The following SDK1 variants were observed in gnomAD, a reference collection of about 807,000 sequenced individuals.
The protein encoded by SDK1 is protein sidekick-1.
SDK1 carries 157 observed loss-of-function variants against 245.5 expected under a neutral mutation model. The observed-to-expected ratio is 0.64, with a 90% confidence interval of 0.56 to 0.73. The LOEUF (loss-of-function observed/expected upper bound fraction) is 0.73, where lower values mean the gene tolerates loss of function less well. Among genes scored for constraint, SDK1 ranks in the 30% least tolerant of loss-of-function variants. The probability of loss-of-function intolerance (pLI) is 0.00; values close to 1 mark genes in which losing one functional copy is unlikely to be tolerated. For synonymous variants in SDK1, 1,647 were observed against 1,278.5 expected (o/e 1.29, Z -6.15); for missense variants, 3,583 against 3,002.3 (o/e 1.19, Z -4.52).
At chr7:4,149,602 TC>T in intron 30 of SDK1, 139 bp downstream of exon 30, 1 of 544,658 alleles carries the variant, frequency 1.8e-6, no homozygotes, top group Non-Finnish European at 3.0e-6. Context: ...TTTTTGACAC[TC>T]CCCATGCTGG....
chr7:4,119,844 A>T lies in SDK1; in HGVS notation c.3823+5570A>T, dbSNP rs191465632. 3.0e-3 allele frequency among the ~76,000 whole-genome samples: 442 copies of T among 149,246 alleles called. 36 individuals carry two copies. The highest frequency in any genetic ancestry group is 9.8e-3 in the African/African-American group (400 of 40,974). ...ACCAGTTTTAAAAAAAGAGAGAAAG[A>T]TAGAGGGCTTCAATTACATTAACAT... On this transcript the variant is annotated intron_variant, in intron 25 of 44. Transcript: ENST00000404826.
intron 4 of SDK1, among the ~76,000 whole-genome samples, chr7:3,714,719 A>G (rs1379511656): frequency 1.3e-5 from 2 of 152,214 alleles, no homozygotes; most frequent in African/African-American, 4.8e-5. Context: ...AAGTGCTTCT[A>G]AAACAAGTTT....
chr7:4,019,638 C>T (rs1043065859), intron 17 of SDK1, among the ~76,000 whole-genome samples: 2 of 151,878 alleles, frequency 1.3e-5, no homozygotes, highest in African/African-American at 2.4e-5. Context: ...CATGAGTGAA[C>T]GTTAGTGGAT....
At chr7:4,197,749 T>C (rs1409422329) in intron 35 of SDK1, among the ~76,000 whole-genome samples, 2 of 152,188 alleles carry the variant, frequency 1.3e-5, no homozygotes, top group East Asian at 3.9e-4. Flanking sequence ...GACCTTCCCC[T>C]CGAGGACCAG....
At chr7:3,989,051 G>C (rs970588865) in intron 14 of SDK1, among the ~76,000 whole-genome samples, 1 of 152,158 alleles carries the variant, frequency 6.6e-6, no homozygotes, top group African/African-American at 2.4e-5. Context: ...CACCGCGCCT[G>C]GCGTCCAGTT....
chr7:3,901,988 G>T (rs1325979363), intron 5 of SDK1, among the ~76,000 whole-genome samples: 1 of 152,160 alleles, frequency 6.6e-6, no homozygotes, highest in Non-Finnish European at 1.5e-5. Flanking sequence ...CTCTGTCTTT[G>T]AGTGTGTCTC....
At position 3,940,780 on chromosome 7, in the gene SDK1, C is replaced by T. The variant is rs370081199; in HGVS notation, c.848-10143C>T. The stretch of plus-strand genomic sequence containing the variant: ...AGGTTGCAGTGAGCCGAGATCATGC[C>T]GCTGCACTCCAGCCTGGGTGACAAA... On this transcript the variant is annotated intron_variant, in intron 5 of 44. Coordinates refer to ENST00000404826, the MANE Select transcript of SDK1 (RefSeq NM_152744.4). Among the ~76,000 whole-genome samples the T allele has an allele frequency of 5.9e-5, 9 of 152,128 alleles. 1 individual carries two copies. In the East Asian group the frequency reaches 7.7e-4, roughly 13 times the overall value.
chr7:4,233,454 A>G lies in SDK1; in HGVS notation c.5992+35A>G, dbSNP rs867708894. 6.9e-6 allele frequency: 11 copies of G among 1,591,978 alleles called. No individual in the cohort carries two copies. The Middle Eastern group carries it at 6.9e-4, about 100-fold the overall frequency. ...CCCAGGGAGGTCTGTCTTCTTCTGG[A>G]GGACTAGAGGGAGAAATGGGGTCGA... On this transcript the variant is annotated intron_variant, in intron 41 of 44. Coordinates refer to ENST00000404826, the MANE Select transcript of SDK1 (RefSeq NM_152744.4).
intron 1 of SDK1, among the ~76,000 whole-genome samples, chr7:3,417,215 G>A (rs1779391734): frequency 6.6e-6 from 1 of 152,146 alleles, no homozygotes; most frequent in African/African-American, 2.4e-5. Flanking sequence ...CCCTACAGCT[G>A]CAGGCTGAGG....
At chr7:3,823,453 G>C (rs959275524) in intron 5 of SDK1, among the ~76,000 whole-genome samples, 8 of 152,136 alleles carry the variant, frequency 5.3e-5, no homozygotes, top group African/African-American at 1.7e-4. Context: ...TTATAAAACA[G>C]TCCGTACCTA....
intron 1 of SDK1, among the ~76,000 whole-genome samples, chr7:3,320,159 C>A (rs922970497): frequency 6.6e-6 from 1 of 152,062 alleles, no homozygotes; most frequent in Non-Finnish European, 1.5e-5. Context: ...ACTCCCCTCT[C>A]ATTCTCTCCT....
At chr7:3,576,092 G>T (rs1780280422) in intron 1 of SDK1, among the ~76,000 whole-genome samples, 2 of 152,180 alleles carry the variant, frequency 1.3e-5, no homozygotes, top group African/African-American at 4.8e-5. Context: ...TTCAGATCCA[G>T]TTTCAAATTG....
At chr7:3,632,002 C>T (rs2128648387) in intron 2 of SDK1, among the ~76,000 whole-genome samples, 1 of 152,262 alleles carries the variant, frequency 6.6e-6, no homozygotes, top group Non-Finnish European at 1.5e-5. Context: ...CATTTGCCTT[C>T]ATACTTTAAT....
intron 5 of SDK1, among the ~76,000 whole-genome samples, chr7:3,934,316 T>A (rs1280001458): frequency 2.6e-5 from 4 of 152,226 alleles, no homozygotes; most frequent in Admixed American, 2.6e-4. Context: ...GTTAAGACAA[T>A]TTTCTGTTTT....
intron 4 of SDK1, among the ~76,000 whole-genome samples, chr7:3,764,206 A>G (rs1348669592): frequency 6.6e-6 from 1 of 152,122 alleles, no homozygotes; most frequent in Admixed American, 6.5e-5. Flanking sequence ...AATTTCTTGC[A>G]TTGTAATATT....
At chr7:4,057,089 GTT>G (rs1562741572) in intron 19 of SDK1, among the ~76,000 whole-genome samples, 4 of 152,158 alleles carry the variant, frequency 2.6e-5, no homozygotes, top group African/African-American at 7.2e-5. Flanking sequence ...CCCACCCACA[GTT>G]GCCACCTGGG....
intron 14 of SDK1, among the ~76,000 whole-genome samples, chr7:4,007,295 A>C (rs759372097): frequency 1.3e-5 from 2 of 152,140 alleles, no homozygotes; most frequent in Non-Finnish European, 2.9e-5. Flanking sequence ...CAAGAGCCCG[A>C]GGCAGTTGCA....
At chr7:3,626,165 C>G (rs1245130492) in intron 2 of SDK1, among the ~76,000 whole-genome samples, 5 of 151,846 alleles carry the variant, frequency 3.3e-5, no homozygotes, top group Admixed American at 2.0e-4. Context: ...GTCTTGAACT[C>G]CTGGTCTCAA....
At chr7:4,070,565 A>G (rs1014363070) in intron 20 of SDK1, among the ~76,000 whole-genome samples, 3 of 152,186 alleles carry the variant, frequency 2.0e-5, no homozygotes, top group African/African-American at 7.2e-5. Context: ...ACAGAACTCC[A>G]GCTACATAGC....
Sources: allele counts gnomAD v4.1 joint callset (sites outside exome capture counted in the v4.1 genomes callset), GRCh38; gene constraint gnomAD v4.1.1; transcripts MANE v1.5; gene names NCBI Gene and HGNC (gene_info 2026-07-23, HGNC 2026-07-21).